PLCXD3: variants seen among roughly 807,000 people sequenced by gnomAD.
The protein encoded by PLCXD3 is phosphatidylinositol specific phospholipase C X domain containing 3, also known as PI-PLC X domain-containing protein 3.
Under a neutral mutation model 25.5 loss-of-function variants are expected in PLCXD3, and 19 were observed. The observed-to-expected ratio is 0.75, with a 90% confidence interval of 0.52 to 1.09. The LOEUF is 1.09. Among genes scored for constraint, PLCXD3 ranks in the 50% least tolerant of loss-of-function variants. The pLI, the probability that PLCXD3 is intolerant of heterozygous loss-of-function variation, is 0.00. For synonymous variants in PLCXD3, 174 were observed against 137.6 expected (o/e 1.26, Z -1.85); for missense variants, 411 against 388.1 (o/e 1.06, Z -0.50).
intron 2 of PLCXD3, among the ~76,000 whole-genome samples, chr5:41,330,297 A>G (rs555036533): frequency 7.9e-5 from 12 of 152,212 alleles, no homozygotes; most frequent in Non-Finnish European, 1.3e-4. Context: ...ACAAACTACC[A>G]TCAGAGAACA....
At chr5:41,325,029 C>T (rs1743585893) in intron 2 of PLCXD3, among the ~76,000 whole-genome samples, 1 of 152,164 alleles carries the variant, frequency 6.6e-6, no homozygotes, top group African/African-American at 2.4e-5. Context: ...CCGTCTGTTA[C>T]TCAGAAGTTA....
At chr5:41,494,342 A>G (rs1476244034) in intron 1 of PLCXD3, among the ~76,000 whole-genome samples, 1 of 152,254 alleles carries the variant, frequency 6.6e-6, no homozygotes, top group Admixed American at 6.5e-5. Context: ...GGTTTGAAGA[A>G]CAGTAGAAAT....
At chr5:41,448,993 T>C (rs987607678) in intron 1 of PLCXD3, among the ~76,000 whole-genome samples, 1 of 152,200 alleles carries the variant, frequency 6.6e-6, no homozygotes, top group African/African-American at 2.4e-5. Context: ...TGCAAAACTT[T>C]CTGTACCCAC....
chr5:41,489,367 G>A (rs1748598258), intron 1 of PLCXD3, among the ~76,000 whole-genome samples: 1 of 152,052 alleles, frequency 6.6e-6, no homozygotes, highest in African/African-American at 2.4e-5. Context: ...GTAGTGTGAT[G>A]CCTCCAGCTT....
chr5:41,428,779 C>T (rs919961996), intron 1 of PLCXD3, among the ~76,000 whole-genome samples: 5 of 152,054 alleles, frequency 3.3e-5, no homozygotes, highest in Non-Finnish European at 7.4e-5. Context: ...GTGCATTTTT[C>T]CACACAGAGA....
intron 2 of PLCXD3, among the ~76,000 whole-genome samples, chr5:41,326,437 C>T (rs1236606805): frequency 6.6e-6 from 1 of 152,208 alleles, no homozygotes; most frequent in Non-Finnish European, 1.5e-5. Flanking sequence ...CCCAACTCTT[C>T]AGCAGTGTGT....
intron 1 of PLCXD3, among the ~76,000 whole-genome samples, chr5:41,501,395 G>T (rs1024673481): frequency 6.6e-6 from 1 of 151,868 alleles, no homozygotes; most frequent in Non-Finnish European, 1.5e-5. Context: ...CTACCACATG[G>T]GTAAACCTTG....
intron 1 of PLCXD3, among the ~76,000 whole-genome samples, chr5:41,450,970 A>C (rs1426695783): frequency 2.6e-5 from 4 of 152,114 alleles, no homozygotes; most frequent in Non-Finnish European, 4.4e-5. Flanking sequence ...GCTTCCTGCT[A>C]TCTCTATGCC....
At chr5:41,471,828 C>CTCCCG (rs1561283176) in intron 1 of PLCXD3, among the ~76,000 whole-genome samples, 2 of 4,998 alleles carry the variant, frequency 4.0e-4, no homozygotes, top group African/African-American at 1.1e-3. Context: ...GTCCCCTCCC[C>CTCCCG]TCCCCTCCCC....
intron 2 of PLCXD3, among the ~76,000 whole-genome samples, chr5:41,367,912 C>T (rs1744982892): frequency 6.6e-6 from 1 of 152,132 alleles, no homozygotes; most frequent in Non-Finnish European, 1.5e-5. Context: ...TTTCTCATTG[C>T]TCATTTTTGT....
At chr5:41,380,071 G>A (rs889107149) in intron 2 of PLCXD3, among the ~76,000 whole-genome samples, 9 of 151,920 alleles carry the variant, frequency 5.9e-5, no homozygotes, top group African/African-American at 2.2e-4. Context: ...TCACCATCGA[G>A]AAATGCCAAC....
chr5:41,358,225 A>G (rs1165969354), intron 2 of PLCXD3, among the ~76,000 whole-genome samples: 2 of 152,214 alleles, frequency 1.3e-5, no homozygotes, highest in Admixed American at 6.5e-5. Context: ...AACTTGCCTA[A>G]GATCACACAA....
intron 1 of PLCXD3, among the ~76,000 whole-genome samples, chr5:41,396,769 T>C (rs1337112835): frequency 2.0e-5 from 3 of 152,192 alleles, no homozygotes; most frequent in Non-Finnish European, 2.9e-5. Context: ...GAGGAACTTA[T>C]TGAAAACTGG....
chr5:41,489,425 T>C (rs1222000678), intron 1 of PLCXD3, among the ~76,000 whole-genome samples: 1 of 152,060 alleles, frequency 6.6e-6, no homozygotes, highest in Non-Finnish European at 1.5e-5. Context: ...TCTTTTTTGG[T>C]TCCATATGAA....
At chr5:41,472,283 T>C (rs1748183109) in intron 1 of PLCXD3, among the ~76,000 whole-genome samples, 1 of 152,144 alleles carries the variant, frequency 6.6e-6, no homozygotes, top group South Asian at 2.1e-4. Context: ...GGCAGTTAAC[T>C]CTTCAAGTAA....
At chr5:41,448,834 C>A (rs1747563573) in intron 1 of PLCXD3, among the ~76,000 whole-genome samples, 1 of 152,158 alleles carries the variant, frequency 6.6e-6, no homozygotes, top group Non-Finnish European at 1.5e-5. Flanking sequence ...TACTCACTTC[C>A]CAAACTTCTT....
At position 41,473,464 on chromosome 5, in the gene PLCXD3, A is replaced by AT. The variant is rs986150905; in HGVS notation, c.103+36959dup. Among the ~76,000 whole-genome samples the AT allele has an allele frequency of 2.1e-4, 28 of 132,380 alleles. No homozygotes were observed. The East Asian group carries it at 3.4e-3, about 16-fold the overall frequency. The allele number at this position is 132,380 out of a possible 152,430, so 86.8% of individuals were successfully genotyped here. A position where few individuals can be genotyped will look rare whatever the true frequency, so the allele number is the denominator to read the frequency against. On this transcript the variant is annotated intron_variant, in intron 1 of 2. Coordinates refer to ENST00000377801, the MANE Select transcript of PLCXD3 (RefSeq NM_001005473.3). ...ACTTTTTTAATTAATTAATTAATTA[A>AT]TAATAATTATTATTATTTTTTGAGA...
chr5:41,317,888 C>A (rs1053578040), intron 2 of PLCXD3, among the ~76,000 whole-genome samples: 3 of 151,816 alleles, frequency 2.0e-5, no homozygotes, highest in Non-Finnish European at 4.4e-5. Context: ...GCTGAAAAGA[C>A]AAATCTAAGA....
At chr5:41,415,747 T>G (rs943789500) in intron 1 of PLCXD3, among the ~76,000 whole-genome samples, 2 of 152,196 alleles carry the variant, frequency 1.3e-5, no homozygotes, top group Non-Finnish European at 2.9e-5. Context: ...TATTATCTGC[T>G]TGAAACTTCT....
Sources: gnomAD v4.1 joint callset for allele counts (sites outside exome capture counted in the v4.1 genomes callset) on GRCh38, gnomAD v4.1.1 for gene constraint, MANE v1.5 for transcripts, NCBI Gene and HGNC (gene_info 2026-07-23, HGNC 2026-07-21) for gene names.